AOPEP: variants seen among roughly 807,000 people sequenced by gnomAD.
The protein encoded by AOPEP is aminopeptidase O (putative).
Under a neutral mutation model 98.1 loss-of-function variants are expected in AOPEP, and 77 were observed. The ratio of observed to expected loss-of-function variants is 0.78; its 90% CI spans 0.65 to 0.95. The LOEUF (loss-of-function observed/expected upper bound fraction) is 0.95. AOPEP is among the 40% of genes least tolerant of loss of function. AOPEP has a pLI of 0.00. For missense variants in AOPEP, 1,024 were observed against 1,024.7 expected (o/e 1.00, Z 0.01); for synonymous variants, 346 against 365.3 (o/e 0.95, Z 0.60).
chr9:95,095,710 C>CA, the AOPEP span, among the ~76,000 whole-genome samples: 2 of 152,128 alleles, frequency 1.3e-5, no homozygotes, highest in African/African-American at 4.8e-5. Context: ...TGAAAGGAGG[C>CA]ATGGAAGTCC....
downstream of AOPEP, among the ~76,000 whole-genome samples, chr9:95,087,652 C>T (rs891050507): frequency 2.0e-5 from 3 of 152,122 alleles, no homozygotes; most frequent in Admixed American, 1.3e-4. Context: ...CACCCTCTTC[C>T]GATAAAATGG....
chr9:95,121,859 T>C, the AOPEP span, among the ~76,000 whole-genome samples: 1 of 132,574 alleles, frequency 7.5e-6, no homozygotes, highest in Non-Finnish European at 1.6e-5. Flanking sequence ...ATAAAATTCA[T>C]TTTTTTTTTT....
the AOPEP span, chr9:95,145,519 C>T: frequency 2.0e-5 from 3 of 152,048 alleles, no homozygotes; most frequent in African/African-American, 7.3e-5. Context: ...TTCCCTGCAA[C>T]TAGAAAAATT....
chr9:95,041,536 G>A (rs2065312126), intron 13 of AOPEP, among the ~76,000 whole-genome samples: 1 of 151,348 alleles, frequency 6.6e-6, no homozygotes, highest in Non-Finnish European at 1.5e-5. Context: ...CTCACCATAT[G>A]TGTTGAATTG....
chr9:95,063,931 A>G (rs111860995), intron 14 of AOPEP, among the ~76,000 whole-genome samples: 24 of 146,266 alleles, frequency 1.6e-4, no homozygotes, highest in African/African-American at 5.7e-4. Context: ...AAAAAAAAAA[A>G]TCTCAACTTA....
At chr9:94,897,939 A>G (rs542151006) in intron 5 of AOPEP, among the ~76,000 whole-genome samples, 7 of 151,166 alleles carry the variant, frequency 4.6e-5, no homozygotes, top group African/African-American at 1.7e-4. Context: ...TCCCAGGTTC[A>G]AGCGATTCTC....
chr9:95,098,889 G>C, the AOPEP span, among the ~76,000 whole-genome samples: 1 of 152,172 alleles, frequency 6.6e-6, no homozygotes, highest in African/African-American at 2.4e-5. Context: ...AGGACCCTTA[G>C]TTTTTAGGTA....
chr9:95,102,692 A>T, the AOPEP span, among the ~76,000 whole-genome samples: 1 of 152,174 alleles, frequency 6.6e-6, no homozygotes, highest in Non-Finnish European at 1.5e-5. Flanking sequence ...TCCCAGGACT[A>T]TTCTGGTTTT....
chr9:94,880,673 T>C (rs1564312123), intron 5 of AOPEP, among the ~76,000 whole-genome samples: 1 of 152,214 alleles, frequency 6.6e-6, no homozygotes, highest in Non-Finnish European at 1.5e-5. Flanking sequence ...TTCCATAATG[T>C]GCCAAAATTG....
the AOPEP span, among the ~76,000 whole-genome samples, chr9:95,130,935 GCTT>G: frequency 1.3e-5 from 2 of 152,084 alleles, no homozygotes; most frequent in Non-Finnish European, 2.9e-5. Flanking sequence ...TATGCCATTT[GCTT>G]CTTTTCTATT....
At chr9:94,872,554 A>G (rs1168035601) in intron 5 of AOPEP, among the ~76,000 whole-genome samples, 1 of 152,212 alleles carries the variant, frequency 6.6e-6, no homozygotes, top group Non-Finnish European at 1.5e-5. Context: ...TGAGCTTCTC[A>G]TACCACCGTG....
intron 11 of AOPEP, among the ~76,000 whole-genome samples, chr9:94,994,044 G>A (rs1335017404): frequency 6.6e-6 from 1 of 152,050 alleles, no homozygotes; most frequent in Non-Finnish European, 1.5e-5. Context: ...CCCGAGCCAC[G>A]CATGCTGCCA....
the AOPEP span, chr9:95,125,034 A>AAG: frequency 6.7e-7 from 1 of 1,481,760 alleles, no homozygotes; most frequent in Non-Finnish European, 9.4e-7. Context: ...AAATACTCTC[A>AAG]ACAGCGTCTT....
chr9:94,988,412 A>G (rs2060656305), intron 11 of AOPEP, among the ~76,000 whole-genome samples: 1 of 152,174 alleles, frequency 6.6e-6, no homozygotes, highest in South Asian at 2.1e-4. Context: ...TGGCTTTCTC[A>G]TTAGGGATAA....
chr9:94,727,101 G>A (rs891610330), intron 1 of AOPEP, among the ~76,000 whole-genome samples: 5 of 152,202 alleles, frequency 3.3e-5, no homozygotes, highest in African/African-American at 1.2e-4. Context: ...TCGGCTTCTA[G>A]CCCCACAGGG....
intron 1 of AOPEP, among the ~76,000 whole-genome samples, chr9:94,727,716 A>G (rs929929797): frequency 5.3e-5 from 8 of 152,232 alleles, no homozygotes; most frequent in Non-Finnish European, 8.8e-5. Context: ...TGTGCTTCGT[A>G]TAAGTCTGGG....
At chr9:94,750,756 C>CTTTTTTTTTTTTTTT (rs536762614) in intron 1 of AOPEP, among the ~76,000 whole-genome samples, 1 of 130,916 alleles carries the variant, frequency 7.6e-6, no homozygotes, top group Non-Finnish European at 1.6e-5. Context: ...TCTTTTCTTT[C>CTTTTTTTTTTTTTTT]TTTTTTTTTT....
At chr9:95,129,977 A>C in the AOPEP span, among the ~76,000 whole-genome samples, 11 of 152,196 alleles carry the variant, frequency 7.2e-5, no homozygotes, top group African/African-American at 1.9e-4. Flanking sequence ...ACCTAGAAAG[A>C]AAGCCCATCT....
At chr9:95,043,926 AGTTGTAACCGCTGTGTACATATG>A (rs2133639719) in intron 13 of AOPEP, among the ~76,000 whole-genome samples, 1 of 152,354 alleles carries the variant, frequency 6.6e-6, no homozygotes, top group South Asian at 2.1e-4. Context: ...ATTTTTACAT[AGTTGTAACCGCTGTGTACATATG>A]GTGTATTAAG....
Sources: allele counts gnomAD v4.1 joint callset (sites outside exome capture counted in the v4.1 genomes callset), GRCh38; gene constraint gnomAD v4.1.1; transcripts MANE v1.5; gene names NCBI Gene and HGNC (gene_info 2026-07-23, HGNC 2026-07-21).